Variants in ZNF521 observed in about 807,000 individuals in gnomAD.
The protein encoded by ZNF521 is zinc finger protein 521.
Under a neutral mutation model 105.5 loss-of-function variants are expected in ZNF521, and 14 were observed. That is an observed-to-expected ratio of 0.13 (90% confidence interval 0.09 to 0.21). The LOEUF (loss-of-function observed/expected upper bound fraction) is 0.21, where lower values mean the gene tolerates loss of function less well. Ranked by LOEUF, ZNF521 falls within the 10% of genes least tolerant of loss-of-function variation. The probability of loss-of-function intolerance (pLI) is 1.00; values close to 1 mark genes in which losing one functional copy is unlikely to be tolerated. For synonymous variants in ZNF521, 635 were observed against 606.0 expected (o/e 1.05, Z -0.70); for missense variants, 1,233 against 1,629.7 (o/e 0.76, Z 4.19).
intron 4 of ZNF521, chr18:25,223,925 A>G (rs563679366): frequency 4.3e-6 from 1 of 231,394 alleles, no homozygotes; most frequent in South Asian, 1.7e-4. Flanking sequence ...CCCCAAATAT[A>G]TATATTCTTT....
At chr18:25,069,742 T>C (rs1420385717) in intron 7 of ZNF521, among the ~76,000 whole-genome samples, 1 of 152,194 alleles carries the variant, frequency 6.6e-6, no homozygotes, top group Non-Finnish European at 1.5e-5. Context: ...GACATATGCA[T>C]AGTGGATTTT....
Position 25,226,482 on chromosome 18 carries a change from C to T in ZNF521, c.1436G>A (p.Cys479Tyr). 1.9e-6 allele frequency: 3 copies of T among 1,614,154 alleles called. No homozygotes were observed. The highest frequency in any genetic ancestry group is 2.5e-6 in the Non-Finnish European group (3 of 1,180,024). Reference sequence around the variant, plus strand: ...GTTGACAACTTCGGAACAGAAGTTACACTGGTAGACAATGGCAGGCATGGC... The same window carrying T: ...GTTGACAACTTCGGAACAGAAGTTATACTGGTAGACAATGGCAGGCATGGC... ...VSAMPAIVYQ[C>Y]NFCSEVVNDL... The change falls in exon 4 of 8, where the codon TGT becomes TAT. Residue 479 changes from cysteine to tyrosine, a missense_variant. This residue lies in a region of ZNF521 where 380 missense variants were observed against 478.0 expected (regional missense o/e 0.80). Transcript: ENST00000361524. The surrounding 1 kb of genome is among the most constrained non-coding windows in gnomAD (Gnocchi z 4.1).
chr18:25,192,215 C>T (rs2035830733), intron 5 of ZNF521, among the ~76,000 whole-genome samples: 1 of 152,086 alleles, frequency 6.6e-6, no homozygotes, highest in Non-Finnish European at 1.5e-5. Context: ...CCTTAATAGA[C>T]ATAAGTCAAT....
chr18:25,226,732 G>A lies in ZNF521; in HGVS notation c.1186C>T (p.Pro396Ser), dbSNP rs1196697883. 2.5e-6 allele frequency: 4 copies of A among 1,613,980 alleles called. No homozygotes were observed. In the Admixed American group the frequency reaches 5.0e-5, roughly 20 times the overall value. Residue 396 changes from proline (P) to serine (S), a missense_variant, in exon 4 of 8, where the codon CCC (proline) becomes TCC (serine). Around this residue, in one of 6 missense-constraint regions of ZNF521, gnomAD observed 380 missense variants for 478.0 expected, o/e 0.80. Coordinates refer to ENST00000361524, the MANE Select transcript of ZNF521 (RefSeq NM_015461.3). The surrounding 1 kb of genome is among the most constrained non-coding windows in gnomAD (Gnocchi z 4.1). Reference sequence around the variant, plus strand: ...GTAACTTTTGCTTGTTTACTCGAGGGACCAGTCATGTCAGGGGTTTGTTGA... The same window carrying A: ...GTAACTTTTGCTTGTTTACTCGAGGAACCAGTCATGTCAGGGGTTTGTTGA... ...AAQQTPDMTG[P>S]SSKQAKVTYS...
At chr18:25,336,641 T>C (rs1369476637) in intron 2 of ZNF521, among the ~76,000 whole-genome samples, 1 of 152,174 alleles carries the variant, frequency 6.6e-6, no homozygotes, top group Non-Finnish European at 1.5e-5. Context: ...ATCAATGCAT[T>C]GGCCAGGGTG....
intron 3 of ZNF521, among the ~76,000 whole-genome samples, chr18:25,253,287 CTG>C (rs1908243800): frequency 6.6e-6 from 1 of 152,164 alleles, no homozygotes; most frequent in South Asian, 2.1e-4. Flanking sequence ...CCCTTTCTGA[CTG>C]GGCACCAGAC....
At chr18:25,158,473 G>C (rs2035189261) in intron 5 of ZNF521, among the ~76,000 whole-genome samples, 2 of 151,870 alleles carry the variant, frequency 1.3e-5, no homozygotes, top group African/African-American at 4.8e-5. Flanking sequence ...ATTATTCAAA[G>C]GAAATACAGG....
chr18:25,230,224 G>A (rs977621629), intron 3 of ZNF521, among the ~76,000 whole-genome samples: 2 of 152,172 alleles, frequency 1.3e-5, no homozygotes, highest in Non-Finnish European at 2.9e-5. Context: ...TGGGGATTGA[G>A]CAGAAGTAAA....
At chr18:25,090,851 T>C (rs932057409) in intron 6 of ZNF521, among the ~76,000 whole-genome samples, 2 of 152,220 alleles carry the variant, frequency 1.3e-5, no homozygotes, top group African/African-American at 4.8e-5. Flanking sequence ...TTAGGATATA[T>C]ACTACTGATG....
rs551430518 is a variant in ZNF521 at position 25,082,886 on chromosome 18, A to AT, written c.3906+6578dup. 1.4e-4 allele frequency among the ~76,000 whole-genome samples: 21 copies of AT among 152,030 alleles called. No individual in the cohort carries two copies. The East Asian group carries it at 4.1e-3, about 29-fold the overall frequency. ...AAAAAAAAATTAAGCTCTGTAGGAAATAAAAAGTAAGCCCTTGAAAAATAT... is the reference window on the plus strand; with the variant it reads ...AAAAAAAAATTAAGCTCTGTAGGAAATTAAAAAGTAAGCCCTTGAAAAATAT... On this transcript the variant is annotated intron_variant, in intron 7 of 7. Transcript: ENST00000361524.
intron 5 of ZNF521, among the ~76,000 whole-genome samples, chr18:25,168,948 G>A (rs2035398895): frequency 8.8e-6 from 1 of 113,356 alleles, no homozygotes; most frequent in Non-Finnish European, 1.7e-5. Context: ...TGGTTTCTGT[G>A]TCTGGGGTGT....
intron 5 of ZNF521, among the ~76,000 whole-genome samples, chr18:25,118,579 T>A (rs1170902461): frequency 6.6e-6 from 1 of 151,988 alleles, no homozygotes; most frequent in East Asian, 1.9e-4. Context: ...CTAAGGAGAC[T>A]GTGAAAGTTA....
intron 3 of ZNF521, among the ~76,000 whole-genome samples, chr18:25,232,121 G>A (rs570626039): frequency 6.6e-6 from 1 of 152,310 alleles, no homozygotes; most frequent in East Asian, 1.9e-4. Context: ...CAAGTGAGGA[G>A]AAGAAGCACA....
chr18:25,325,817 G>C (rs1913185543), intron 2 of ZNF521, among the ~76,000 whole-genome samples: 1 of 152,176 alleles, frequency 6.6e-6, no homozygotes, highest in Admixed American at 6.5e-5. Context: ...GCAGCTTTCT[G>C]TTTCCAATTT....
chr18:25,099,627 C>T (rs1023714445), intron 5 of ZNF521, among the ~76,000 whole-genome samples: 1 of 152,132 alleles, frequency 6.6e-6, no homozygotes, highest in Non-Finnish European at 1.5e-5. Context: ...CATCCATGAC[C>T]AATAAACAAT....
intron 5 of ZNF521, among the ~76,000 whole-genome samples, chr18:25,150,486 G>A (rs1005269043): frequency 6.6e-6 from 1 of 152,176 alleles, no homozygotes; most frequent in South Asian, 2.1e-4. Flanking sequence ...AGCAAAGTTG[G>A]AGAAGTGATG....
At chr18:25,259,519 G>A (rs1431543113) in intron 3 of ZNF521, among the ~76,000 whole-genome samples, 3 of 152,148 alleles carry the variant, frequency 2.0e-5, no homozygotes, top group Non-Finnish European at 4.4e-5. Flanking sequence ...GGCACCACGG[G>A]CGTAAACTTC....
chr18:25,332,924 T>C (rs574068681), intron 2 of ZNF521, among the ~76,000 whole-genome samples: 1 of 152,282 alleles, frequency 6.6e-6, no homozygotes, highest in African/African-American at 2.4e-5. Flanking sequence ...GCCATTATCA[T>C]AGTAACTGTA....
chr18:25,101,228 G>A (rs1035162648), intron 5 of ZNF521, among the ~76,000 whole-genome samples: 1 of 152,116 alleles, frequency 6.6e-6, no homozygotes, highest in Non-Finnish European at 1.5e-5. Context: ...CTTACCTGCA[G>A]ATTTTTTTCA....
Sources: gnomAD v4.1 joint callset for allele counts (sites outside exome capture counted in the v4.1 genomes callset) on GRCh38, gnomAD v4.1.1 for gene constraint, gnomAD v4.1.1 regional missense constraint, Gnocchi (gnomAD v3.1) non-coding constraint, MANE v1.5 for transcripts, NCBI Gene and HGNC (gene_info 2026-07-23, HGNC 2026-07-21) for gene names.